LIPA: variants seen among roughly 807,000 people sequenced by gnomAD.
LIPA encodes the protein lipase A, lysosomal acid type, also known as lysosomal acid lipase/cholesteryl ester hydrolase.
Under a neutral mutation model 40.6 loss-of-function variants are expected in LIPA, and 26 were observed. The ratio of observed to expected loss-of-function variants is 0.64; its 90% CI spans 0.47 to 0.89. The LOEUF is 0.89. Among genes scored for constraint, LIPA ranks in the 40% least tolerant of loss-of-function variants. The pLI is 0.00. For missense variants in LIPA, 455 were observed against 479.6 expected (o/e 0.95, Z 0.48); for synonymous variants, 188 against 168.4 (o/e 1.12, Z -0.90).
At chr10:89,215,340 G>C (rs1255360631) in intron 9 of LIPA, among the ~76,000 whole-genome samples, 2 of 152,202 alleles carry the variant, frequency 1.3e-5, no homozygotes, top group South Asian at 4.1e-4. Context: ...CAAGGAAGGT[G>C]TTGTACTCCA....
At chr10:89,220,233 T>A (rs916079462) in intron 8 of LIPA, among the ~76,000 whole-genome samples, 2 of 152,218 alleles carry the variant, frequency 1.3e-5, no homozygotes, top group African/African-American at 4.8e-5. Flanking sequence ...TGGCGTGTAC[T>A]GTGTGTGGGC....
intron 3 of LIPA, among the ~76,000 whole-genome samples, chr10:89,234,099 T>G (rs1484483986): frequency 1.3e-5 from 2 of 152,142 alleles, no homozygotes; most frequent in East Asian, 1.9e-4. Context: ...GGGACAAACA[T>G]TTGACCTGGA....
chr10:89,225,302 ACTCG>A (rs1842754813), intron 5 of LIPA, 74 bp from the exon 6 acceptor site: 3 of 1,577,456 alleles, frequency 1.9e-6, no homozygotes, highest in Non-Finnish European at 2.6e-6. Flanking sequence ...AAAGGCCGTC[ACTCG>A]CGACGCCCTC....
chr10:89,269,145 T>C (rs1198382958), intron 1 of LIPA, among the ~76,000 whole-genome samples: 2 of 150,812 alleles, frequency 1.3e-5, no homozygotes, highest in African/African-American at 4.9e-5. Flanking sequence ...GCCAACACAG[T>C]GAAACCCCGT....
At chr10:89,366,392 A>C (rs1007436906) in intron 2 of LIPA, among the ~76,000 whole-genome samples, 24 of 152,214 alleles carry the variant, frequency 1.6e-4, no homozygotes, top group Admixed American at 8.5e-4. Flanking sequence ...GTCATCTGCA[A>C]ACAGGGACAA....
intron 2 of LIPA, chr10:89,378,072 A>G (rs1301887192): frequency 3.2e-6 from 5 of 1,584,064 alleles, no homozygotes; most frequent in South Asian, 1.1e-5. Flanking sequence ...CTGTGGATGA[A>G]CCTTGAAGGA....
chr10:89,327,965 C>A, intron 1 of LIPA: 1 of 1,143,024 alleles, frequency 8.7e-7, no homozygotes, highest in Non-Finnish European at 1.3e-6. Flanking sequence ...CTCTCCCACC[C>A]CTTTATATAG....
At chr10:89,242,649 A>G (rs1263547913) in intron 3 of LIPA, among the ~76,000 whole-genome samples, 2 of 152,254 alleles carry the variant, frequency 1.3e-5, no homozygotes, top group Non-Finnish European at 2.9e-5. Context: ...CTGTAGACTC[A>G]GGTTCCACAA....
chr10:89,277,694 A>G (rs1589586521), intron 1 of LIPA, among the ~76,000 whole-genome samples: 1 of 152,340 alleles, frequency 6.6e-6, no homozygotes, highest in East Asian at 1.9e-4. Context: ...ATTGGAGGAA[A>G]CAATTTAGAA....
In LIPA at chr10:89,313,290, T is replaced by C. The variant is rs17119181; in HGVS notation, c.-2+29321A>G. 7.5e-3 allele frequency among the ~76,000 whole-genome samples: 1,148 copies of C among 152,330 alleles called. 11 individuals are homozygous for C. Among genetic ancestry groups the C allele is most frequent in the African/African-American group, 0.027 (1,103 of 41,574 alleles). On this transcript the variant is annotated intron_variant, in intron 1 of 5. Coordinates refer to the LIPA transcript ENST00000282673. The stretch of plus-strand genomic sequence containing the variant: ...GAGGTATAGACTGAACTGCAACCAA[T>C]TCAATCTGGTTCCATTTTTCAGTTT...
At chr10:89,334,843 G>T (rs965525213) in intron 1 of LIPA, among the ~76,000 whole-genome samples, 1 of 151,892 alleles carries the variant, frequency 6.6e-6, no homozygotes, top group Non-Finnish European at 1.5e-5. Flanking sequence ...CTGCCTGCTT[G>T]TATTTATTTA....
At chr10:89,402,249 CT>C in intron 2 of LIPA, 2 of 1,450,198 alleles carry the variant, frequency 1.4e-6, no homozygotes, top group Non-Finnish European at 1.9e-6. Flanking sequence ...TGTTCCTCAC[CT>C]AACAAAGAAA....
At chr10:89,237,795 G>A (rs1330136215) in intron 3 of LIPA, among the ~76,000 whole-genome samples, 2 of 152,180 alleles carry the variant, frequency 1.3e-5, no homozygotes, top group Non-Finnish European at 2.9e-5. Flanking sequence ...ATAGGAAAAT[G>A]CCTCTGGCCA....
At chr10:89,256,133 G>T (rs1217785909), upstream of LIPA, among the ~76,000 whole-genome samples, 1 of 152,172 alleles carries the variant, frequency 6.6e-6, no homozygotes, top group East Asian at 1.9e-4. Flanking sequence ...CAGGCTAAAG[G>T]TGGCTGACAC....
chr10:89,306,165 C>G (rs779805899), intron 1 of LIPA: 2 of 1,614,110 alleles, frequency 1.2e-6, no homozygotes, highest in African/African-American at 1.3e-5. Flanking sequence ...AACGAGGCAG[C>G]CCTGGAATGC....
intron 1 of LIPA, among the ~76,000 whole-genome samples, chr10:89,313,040 T>G (rs1005722154): frequency 2.0e-5 from 3 of 152,196 alleles, no homozygotes; most frequent in Admixed American, 1.3e-4. Context: ...AGTCCAGCAC[T>G]GTCTTACATG....
intron 1 of LIPA, among the ~76,000 whole-genome samples, chr10:89,336,326 A>G (rs1342788507): frequency 1.3e-5 from 2 of 152,156 alleles, no homozygotes; most frequent in African/African-American, 4.8e-5. Context: ...AAGGAAAAGG[A>G]CTGTCCCCAA....
At chr10:89,320,263 A>G (rs189739505) in intron 1 of LIPA, among the ~76,000 whole-genome samples, 1 of 152,352 alleles carries the variant, frequency 6.6e-6, no homozygotes, top group African/African-American at 2.4e-5. Flanking sequence ...AATTAGGAAA[A>G]GAGGAAGTCA....
intron 2 of LIPA, among the ~76,000 whole-genome samples, chr10:89,356,608 A>G (rs531337528): frequency 2.6e-4 from 40 of 152,326 alleles, no homozygotes; most frequent in African/African-American, 8.9e-4. Flanking sequence ...CTGATCTGCC[A>G]CTGTCTCCCA....
Sources: allele counts gnomAD v4.1 joint callset (sites outside exome capture counted in the v4.1 genomes callset), GRCh38; gene constraint gnomAD v4.1.1; transcripts MANE v1.5; gene names NCBI Gene and HGNC (gene_info 2026-07-23, HGNC 2026-07-21).